The following PAK1 variants were observed in gnomAD, a reference collection of about 807,000 sequenced individuals.
PAK1 encodes serine/threonine-protein kinase PAK 1.
Under a neutral mutation model 67.4 loss-of-function variants are expected in PAK1, and 29 were observed. The observed-to-expected ratio is 0.43, with a 90% confidence interval of 0.32 to 0.59. PAK1 has a LOEUF of 0.59. Among genes scored for constraint, PAK1 ranks in the 20% least tolerant of loss-of-function variants. PAK1 has a pLI of 0.07. For missense variants in PAK1, 337 were observed against 670.7 expected (o/e 0.50, Z 5.50); for synonymous variants, 223 against 237.4 (o/e 0.94, Z 0.56).
intron 1 of PAK1, among the ~76,000 whole-genome samples, chr11:77,430,530 C>G (rs892502245): frequency 6.6e-6 from 1 of 152,164 alleles, no homozygotes; most frequent in African/African-American, 2.4e-5. Context: ...AAATTTTATC[C>G]TTTCTTAAAA....
intron 1 of PAK1, among the ~76,000 whole-genome samples, chr11:77,454,229 T>C (rs1254309635): frequency 2.6e-5 from 4 of 152,176 alleles, no homozygotes; most frequent in Admixed American, 6.5e-5. Context: ...TATTCCCTAT[T>C]TTACAGAAGG....
At chr11:77,450,318 T>C (rs558380595) in intron 1 of PAK1, among the ~76,000 whole-genome samples, 20 of 152,192 alleles carry the variant, frequency 1.3e-4, no homozygotes, top group Admixed American at 5.2e-4. Flanking sequence ...GCTCCCCAAC[T>C]CTTGTGCATT....
chr11:77,514,599 A>G, the PAK1 span, among the ~76,000 whole-genome samples: 1 of 152,198 alleles, frequency 6.6e-6, no homozygotes, highest in Non-Finnish European at 1.5e-5. Flanking sequence ...GTTGGTGTCT[A>G]AAAACATCTA....
At chr11:77,329,921 G>C (rs1184662129) in intron 14 of PAK1, among the ~76,000 whole-genome samples, 1 of 152,114 alleles carries the variant, frequency 6.6e-6, no homozygotes, top group African/African-American at 2.4e-5. Context: ...AAGCTGATAA[G>C]CAACTTCAGC....
chr11:77,365,012 G>C (rs1020462965), intron 5 of PAK1, among the ~76,000 whole-genome samples: 23 of 152,110 alleles, frequency 1.5e-4, no homozygotes, highest in Admixed American at 4.6e-4. Flanking sequence ...ACTTTGGGAG[G>C]CCAAGGTGGG....
rs1363493220 is a variant in PAK1 at position 77,392,312 on chromosome 11, A to G, written c.190+19T>C. 2 of 1,499,744 alleles carry G rather than the reference A, an allele frequency of 1.3e-6. No individual in the cohort carries two copies. Among genetic ancestry groups the G allele is most frequent in the South Asian group, 1.3e-5 (1 of 77,396 alleles). 92.9% of individuals were successfully genotyped at this position (1,499,744 alleles called of 1,614,324 possible). On this transcript the variant is annotated intron_variant, in intron 2 of 14. Transcript: ENST00000356341. ...TTTTTAAAGCATATAAATGATGAGA[A>G]GAAAATCAAATACTATACTTTTATC... is the stretch of plus-strand genomic sequence containing the variant.
chr11:77,446,511 C>CA (rs56952838), intron 1 of PAK1, among the ~76,000 whole-genome samples: 10,055 of 59,802 alleles, frequency 0.17, 1,407 homozygotes, highest in African/African-American at 0.39. Context: ...GACCCTGTCT[C>CA]AAAAAAAAAA....
intron 1 of PAK1, among the ~76,000 whole-genome samples, chr11:77,400,462 A>G (rs2137682092): frequency 6.6e-6 from 1 of 152,314 alleles, no homozygotes; most frequent in Non-Finnish European, 1.5e-5. Context: ...ACAATGAGAA[A>G]AGAGGTATTG....
At chr11:77,426,832 A>T (rs919588556) in intron 1 of PAK1, among the ~76,000 whole-genome samples, 10 of 144,270 alleles carry the variant, frequency 6.9e-5, no homozygotes. Flanking sequence ...AGCAAAAATG[A>T]GCAATCTTTA....
At chr11:77,407,505 C>T (rs1051477977) in intron 1 of PAK1, among the ~76,000 whole-genome samples, 3 of 152,180 alleles carry the variant, frequency 2.0e-5, no homozygotes, top group African/African-American at 7.2e-5. Context: ...GGCTTTCAGG[C>T]TATAGCATCT....
At chr11:77,493,516 C>G in the PAK1 span, among the ~76,000 whole-genome samples, 1 of 132,502 alleles carries the variant, frequency 7.5e-6, no homozygotes, top group Non-Finnish European at 1.6e-5. Context: ...TGGTCTTGAA[C>G]TCCAGACCTC....
At chr11:77,460,756 T>C (rs886742254) in intron 1 of PAK1, among the ~76,000 whole-genome samples, 2 of 152,032 alleles carry the variant, frequency 1.3e-5, no homozygotes, top group Non-Finnish European at 2.9e-5. Flanking sequence ...ACTTCTTTCA[T>C]TGTAAAAGAA....
chr11:77,429,136 A>AGTACAGGAT (rs1390116061), intron 1 of PAK1, among the ~76,000 whole-genome samples: 1 of 149,618 alleles, frequency 6.7e-6, no homozygotes, highest in East Asian at 2.0e-4. Context: ...GTATAGAGAA[A>AGTACAGGAT]GTACAGGATG....
chr11:77,464,072 T>G (rs1957484565), intron 1 of PAK1, among the ~76,000 whole-genome samples: 1 of 152,256 alleles, frequency 6.6e-6, no homozygotes, highest in Non-Finnish European at 1.5e-5. Flanking sequence ...CATTATTTTT[T>G]CAGTATTGTC....
chr11:77,399,858 CAAAAAAAAAAAAAAAAA>C (rs34662738), intron 1 of PAK1, among the ~76,000 whole-genome samples: 1 of 42,362 alleles, frequency 2.4e-5, no homozygotes, highest in Non-Finnish European at 4.4e-5. Flanking sequence ...GACTCCGTCT[CAAAAAAAAAAAAAAAAA>C]AAAAAAAAAA....
the PAK1 span, among the ~76,000 whole-genome samples, chr11:77,523,196 G>C: frequency 6.6e-6 from 1 of 152,068 alleles, no homozygotes; most frequent in Non-Finnish European, 1.5e-5. Flanking sequence ...TGGAATAAAC[G>C]TGCACATGTA....
chr11:77,332,649 A>G, intron 14 of PAK1, 81 bp downstream of exon 14: 1 of 1,113,566 alleles, frequency 9.0e-7, no homozygotes, highest in East Asian at 2.4e-5. Flanking sequence ...TATAATATCC[A>G]GTACCTTACA....
At chr11:77,495,995 T>C in the PAK1 span, among the ~76,000 whole-genome samples, 1 of 150,986 alleles carries the variant, frequency 6.6e-6, no homozygotes, top group East Asian at 2.0e-4. Context: ...AATGTGCATG[T>C]ACTTAATACC....
chr11:77,446,663 T>C (rs1463883932), intron 1 of PAK1, among the ~76,000 whole-genome samples: 1 of 152,046 alleles, frequency 6.6e-6, no homozygotes, highest in Non-Finnish European at 1.5e-5. Context: ...TAGATATAAA[T>C]GCAACTTCAG....
Sources: gnomAD v4.1 joint callset for allele counts (sites outside exome capture counted in the v4.1 genomes callset) on GRCh38, gnomAD v4.1.1 for gene constraint, MANE v1.5 for transcripts, NCBI Gene and HGNC (gene_info 2026-07-23, HGNC 2026-07-21) for gene names.